The following NRG1 variants were observed in gnomAD, a reference collection of about 807,000 sequenced individuals.
NRG1 encodes pro-neuregulin-1, membrane-bound isoform.
NRG1 carries 18 observed loss-of-function variants against 63.8 expected under a neutral mutation model. The ratio of observed to expected loss-of-function variants is 0.28; its 90% CI spans 0.19 to 0.42. NRG1 has a LOEUF of 0.42. Among genes scored for constraint, NRG1 ranks in the 10% least tolerant of loss-of-function variants. The pLI, the probability that NRG1 is intolerant of heterozygous loss-of-function variation, is 1.00. For synonymous variants in NRG1, 302 were observed against 301.3 expected (o/e 1.00, Z -0.02); for missense variants, 762 against 814.7 (o/e 0.94, Z 0.79).
At chr8:32,135,564 T>C (rs1228390091) in intron 1 of NRG1, among the ~76,000 whole-genome samples, 1 of 152,076 alleles carries the variant, frequency 6.6e-6, no homozygotes, top group Admixed American at 6.6e-5. Flanking sequence ...AGCAACTAAG[T>C]AGAGGCTGGC....
chr8:32,400,578 A>G (rs1279800284), intron 1 of NRG1, among the ~76,000 whole-genome samples: 2 of 152,216 alleles, frequency 1.3e-5, no homozygotes, highest in Admixed American at 6.5e-5. Flanking sequence ...AGAGATGCAA[A>G]TCAAATCCAC....
chr8:31,801,462 C>G (rs182309846), intron 1 of NRG1, among the ~76,000 whole-genome samples: 1 of 152,236 alleles, frequency 6.6e-6, no homozygotes, highest in East Asian at 1.9e-4. Context: ...GTATTTTTCT[C>G]ATTTGTCGCT....
rs137924800 is a variant in NRG1, at chr8:32,163,732, C to T, written c.38-432096C>T. On this transcript the variant is annotated intron_variant, in intron 1 of 10. Coordinates refer to the NRG1 transcript ENST00000519301. The stretch of plus-strand genomic sequence containing the variant: ...TCGCTCTGCCCAGGAAGAAAACAGA[C>T]ATAACTTGCAAAGGTGGAAACACTG... Among the ~76,000 whole-genome samples the T allele has an allele frequency of 6.8e-3, 1,036 of 152,280 alleles. 8 individuals are homozygous for T. The highest frequency in any genetic ancestry group is 0.022 in the African/African-American group (898 of 41,544).
rs1339170463 is a variant in NRG1 at position 31,916,914 on chromosome 8, G to A, written c.37+277483G>A. Among the ~76,000 whole-genome samples the A allele has an allele frequency of 2.6e-5, 4 of 151,832 alleles. No individual in the cohort carries two copies. In the East Asian group the frequency reaches 7.8e-4, roughly 30 times the overall value. On this transcript the variant is annotated intron_variant, in intron 1 of 10. Transcript: ENST00000519301. ...TTGCCATTGTAACTGGTGTGAGATG[G>A]TATCTCATTGTGGTTTTGATTTGCA... is the stretch of plus-strand genomic sequence containing the variant.
intron 1 of NRG1, among the ~76,000 whole-genome samples, chr8:32,208,101 G>A (rs1015714147): frequency 5.9e-5 from 9 of 152,184 alleles, no homozygotes; most frequent in East Asian, 3.9e-4. Context: ...TGTTCTCATC[G>A]AATAATTCTT....
intron 1 of NRG1, among the ~76,000 whole-genome samples, chr8:32,464,817 C>A (rs924704176): frequency 1.3e-5 from 2 of 151,894 alleles, no homozygotes; most frequent in Non-Finnish European, 2.9e-5. Context: ...TTATCAAAAG[C>A]CTTATCACAG....
chr8:32,762,775 C>T (rs1830954637), intron 11 of NRG1, among the ~76,000 whole-genome samples: 1 of 152,132 alleles, frequency 6.6e-6, no homozygotes, highest in Non-Finnish European at 1.5e-5. Context: ...AGAAATGTGA[C>T]TCTGAATAAG....
chr8:31,803,381 C>G (rs1284888121), intron 1 of NRG1, among the ~76,000 whole-genome samples: 1 of 152,182 alleles, frequency 6.6e-6, no homozygotes, highest in East Asian at 1.9e-4. Context: ...CGACAGAGAG[C>G]TGGTAGTGGA....
intron 2 of NRG1, among the ~76,000 whole-genome samples, chr8:32,597,554 A>C (rs1843576839): frequency 6.6e-6 from 1 of 152,110 alleles, no homozygotes; most frequent in Non-Finnish European, 1.5e-5. Context: ...TTTTATACCT[A>C]ATATTACTAA....
At chr8:31,990,010 T>A (rs573729243) in intron 1 of NRG1, among the ~76,000 whole-genome samples, 1 of 152,242 alleles carries the variant, frequency 6.6e-6, no homozygotes, top group East Asian at 1.9e-4. Flanking sequence ...CTTTGATTTG[T>A]TTTTCATTCT....
chr8:31,640,309 G>A lies in NRG1; in HGVS notation c.37+878G>A. 8.7e-7 allele frequency: 1 copy of A among 1,150,342 alleles called. No homozygotes were observed. Among genetic ancestry groups the A allele is most frequent in the Non-Finnish European group, 1.1e-6 (1 of 936,396 alleles). 71.3% of individuals were successfully genotyped at this position (1,150,342 alleles called of 1,614,324 possible). On this transcript the variant is annotated intron_variant, in intron 1 of 10. Transcript: ENST00000519301. This position sits in a 1 kb window ranked among gnomAD's most constrained non-coding sequence, Gnocchi z 6.3. ...GGCGGCGGCGGCGGCGGGCGAGGCA[G>A]GGGCGTGGGGCGGCGATCGCGAGCC...
intron 1 of NRG1, among the ~76,000 whole-genome samples, chr8:32,471,466 G>T (rs894688538): frequency 1.3e-5 from 2 of 151,838 alleles, no homozygotes. Context: ...TAGATCAATC[G>T]CCATCAATCA....
At chr8:32,684,736 A>G (rs1029056755) in intron 5 of NRG1, among the ~76,000 whole-genome samples, 1 of 152,074 alleles carries the variant, frequency 6.6e-6, no homozygotes, top group Non-Finnish European at 1.5e-5. Flanking sequence ...TTTTTTGACA[A>G]CTCATGTCCA....
intron 1 of NRG1, among the ~76,000 whole-genome samples, chr8:31,707,529 A>T (rs1477821182): frequency 6.6e-6 from 1 of 152,040 alleles, no homozygotes; most frequent in Non-Finnish European, 1.5e-5. Context: ...TTATTCAAAC[A>T]GCTGGTGTTT....
chr8:31,807,530 A>G (rs1563425655), intron 1 of NRG1, among the ~76,000 whole-genome samples: 1 of 152,146 alleles, frequency 6.6e-6, no homozygotes, highest in African/African-American at 2.4e-5. Context: ...GAAAGAAAAA[A>G]CATTCAATGT....
intron 1 of NRG1, among the ~76,000 whole-genome samples, chr8:32,159,606 A>G (rs1182009240): frequency 6.6e-6 from 1 of 152,022 alleles, no homozygotes; most frequent in Non-Finnish European, 1.5e-5. Flanking sequence ...TTCCTCTAAC[A>G]TTTATCCCAG....
intron 1 of NRG1, among the ~76,000 whole-genome samples, chr8:31,878,201 A>C (rs1230475079): frequency 6.6e-6 from 1 of 152,192 alleles, no homozygotes; most frequent in African/African-American, 2.4e-5. Flanking sequence ...CTATGTTTTC[A>C]AATATAGTTT....
intron 1 of NRG1, among the ~76,000 whole-genome samples, chr8:32,290,333 GTA>G (rs1319240863): frequency 6.6e-6 from 1 of 151,834 alleles, no homozygotes. Context: ...AAATAATTAT[GTA>G]TACAATTATA....
chr8:32,747,139 T>C (rs573482481), intron 7 of NRG1, among the ~76,000 whole-genome samples: 1 of 152,282 alleles, frequency 6.6e-6, no homozygotes, highest in South Asian at 2.1e-4. Flanking sequence ...GTAAATGCAG[T>C]AATATGTATG....
Sources: gnomAD v4.1 joint callset for allele counts (sites outside exome capture counted in the v4.1 genomes callset) on GRCh38, gnomAD v4.1.1 for gene constraint, Gnocchi (gnomAD v3.1) non-coding constraint, MANE v1.5 for transcripts, NCBI Gene and HGNC (gene_info 2026-07-23, HGNC 2026-07-21) for gene names.